Variants in TRAPPC3L observed in about 807,000 individuals in gnomAD.
TRAPPC3L encodes trafficking protein particle complex subunit 3L.
TRAPPC3L carries 23 observed loss-of-function variants against 23.7 expected under a neutral mutation model. That is an observed-to-expected ratio of 0.97 (90% CI 0.70 to 1.37). The LOEUF (loss-of-function observed/expected upper bound fraction) is 1.37. Ranked by LOEUF, TRAPPC3L falls within the 40% of genes most tolerant of loss-of-function variation. The pLI is 0.00. For missense variants in TRAPPC3L, 212 were observed against 216.8 expected (o/e 0.98, Z 0.14); for synonymous variants, 81 against 77.9 (o/e 1.04, Z -0.21).
chr6:116,524,457 CT>C, intron 3 of TRAPPC3L: 1 of 151,136 alleles, frequency 6.6e-6, no homozygotes, highest in South Asian at 2.1e-4. Flanking sequence ...CATATTCAGC[CT>C]GTTGGCCTGT....
At chr6:116,535,015 G>A (rs529201391) in intron 3 of TRAPPC3L, among the ~76,000 whole-genome samples, 22 of 152,272 alleles carry the variant, frequency 1.4e-4, no homozygotes, top group African/African-American at 5.1e-4. Context: ...GGACCTGAGA[G>A]CAAAAAGCTT....
Position 116,495,522 on chromosome 6 carries a change from G to A in TRAPPC3L, c.*1432C>T, listed in dbSNP as rs935219005. ...GATATACTGATTTCCTTTATTTTGG[G>A]TATATATCCAGCAGTGGGATTGCTG... On this transcript the variant is annotated 3_prime_UTR_variant, in exon 5 of 5. Coordinates refer to ENST00000368602, the MANE Select transcript of TRAPPC3L (RefSeq NM_001139444.3). 4 of 151,628 alleles carry A rather than the reference G, an allele frequency of 2.6e-5. No individual in the cohort carries two copies. Among genetic ancestry groups the A allele is most frequent in the Admixed American group, 1.3e-4 (2 of 15,250 alleles). The allele number at this position is 151,628 out of a possible 1,614,324, so 9.4% of individuals were successfully genotyped here. A position where few individuals can be genotyped will look rare whatever the true frequency, so the allele number is the denominator to read the frequency against.
rs1773739529 is a variant in TRAPPC3L at position 116,545,666 on chromosome 6, C to T, written c.-152G>A. On this transcript the variant is annotated 5_prime_UTR_variant, in exon 1 of 5. Transcript: ENST00000368602. ...GCTTCTGCACTCTGCTGCTTTTGCT[C>T]TTTGCTGAGCTGAAGAGGGAAAAAA... The T allele has an allele frequency of 1.9e-6, 1 of 533,414 alleles. No homozygotes were observed. The highest frequency in any genetic ancestry group is 3.2e-6 in the Non-Finnish European group (1 of 316,470). The allele number at this position is 533,414 out of a possible 1,614,324, so 33.0% of individuals were successfully genotyped here.
At chr6:116,521,228 A>G (rs1397482706) in intron 3 of TRAPPC3L, 2 of 152,078 alleles carry the variant, frequency 1.3e-5, no homozygotes, top group Non-Finnish European at 2.9e-5. Context: ...GTGTGTGTAT[A>G]TATATATGAA....
At chr6:116,534,720 TA>T (rs1230622342) in intron 3 of TRAPPC3L, among the ~76,000 whole-genome samples, 1 of 151,366 alleles carries the variant, frequency 6.6e-6, no homozygotes, top group Non-Finnish European at 1.5e-5. Context: ...CTTGATTTTT[TA>T]TTACTCATCC....
Position 116,497,050 on chromosome 6 carries a change from T to G in TRAPPC3L, c.450A>C (p.Thr150=). The change falls in exon 5 of 5, where the codon ACA becomes ACC. Residue 150 remains threonine (T), a synonymous_variant. Coordinates refer to ENST00000368602, the MANE Select transcript of TRAPPC3L (RefSeq NM_001139444.3). ...CACCTTTTAGTCTGTCTTGCAAGAATGTAACATCAGCCGCCAAATGAACCT... is the reference window on the plus strand; with the variant it reads ...CACCTTTTAGTCTGTCTTGCAAGAAGGTAACATCAGCCGCCAAATGAACCT... ...LEMVHLAADV[T]FLQDRLKGDS... The G allele has an allele frequency of 2.6e-6, 4 of 1,542,770 alleles. No homozygotes were observed. The highest frequency in any genetic ancestry group is 3.5e-6 in the Non-Finnish European group (4 of 1,144,180).
chr6:116,505,098 T>A (rs1771980734), intron 3 of TRAPPC3L, among the ~76,000 whole-genome samples: 1 of 152,206 alleles, frequency 6.6e-6, no homozygotes, highest in Admixed American at 6.5e-5. Context: ...GCAGATGACA[T>A]GATTGTATAT....
intron 2 of TRAPPC3L, among the ~76,000 whole-genome samples, chr6:116,542,480 T>C (rs1773525690): frequency 6.6e-6 from 1 of 152,144 alleles, no homozygotes; most frequent in African/African-American, 2.4e-5. Context: ...TAGGCTAAAT[T>C]TCCCCTTCAA....
chr6:116,506,306 A>G lies in TRAPPC3L; in HGVS notation c.241-5640T>C, dbSNP rs1772006352. On this transcript the variant is annotated intron_variant, in intron 3 of 4. Coordinates refer to ENST00000368602, the MANE Select transcript of TRAPPC3L (RefSeq NM_001139444.3). The stretch of plus-strand genomic sequence containing the variant: ...CATCAGAGAAATGCAAATCAAAACC[A>G]CAATGAAATACCATCTCTTGCCAGT... Among the ~76,000 whole-genome samples, 4 of 152,352 alleles carry G rather than the reference A, an allele frequency of 2.6e-5. No homozygotes were observed. The South Asian group carries it at 6.2e-4, about 24-fold the overall frequency.
At chr6:116,497,608 A>G (rs1434759031) in intron 4 of TRAPPC3L, among the ~76,000 whole-genome samples, 12 of 152,180 alleles carry the variant, frequency 7.9e-5, no homozygotes, top group Admixed American at 7.9e-4. Context: ...TAAAGATTGA[A>G]TTTACAGACA....
At chr6:116,519,528 C>G (rs1218159600) in intron 3 of TRAPPC3L, 1 of 152,150 alleles carries the variant, frequency 6.6e-6, no homozygotes, top group Non-Finnish European at 1.5e-5. Context: ...GAGAGGGCAC[C>G]CAATGGTCAT....
At chr6:116,524,064 G>A (rs966795076) in intron 3 of TRAPPC3L, 1 of 152,120 alleles carries the variant, frequency 6.6e-6, no homozygotes, top group African/African-American at 2.4e-5. Flanking sequence ...GTGTGGTAAT[G>A]GTGTGCCGAT....
intron 3 of TRAPPC3L, chr6:116,511,544 ATTCCTAAGGAATGACATTGT>A: frequency 1.5e-6 from 1 of 688,818 alleles, no homozygotes; most frequent in Non-Finnish European, 2.4e-6. Context: ...AGAAATATTC[ATTCCTAAGGAATGACATTGT>A]TTCCTTATCT....
At chr6:116,498,927 A>T (rs1290698432) in intron 4 of TRAPPC3L, among the ~76,000 whole-genome samples, 2 of 152,070 alleles carry the variant, frequency 1.3e-5, no homozygotes, top group Non-Finnish European at 2.9e-5. Flanking sequence ...TTCTTGCTCT[A>T]CAGACTCTGC....
chr6:116,501,321 G>A (rs1385580517), intron 3 of TRAPPC3L, among the ~76,000 whole-genome samples: 1 of 152,194 alleles, frequency 6.6e-6, no homozygotes, highest in Non-Finnish European at 1.5e-5. Flanking sequence ...TGAGGTTTGA[G>A]TAGGCGGTTC....
At position 116,511,790 on chromosome 6, in the gene TRAPPC3L, C is replaced by A. The variant is rs756035813; in HGVS notation, c.241-11124G>T. 8 of 1,613,906 alleles carry A rather than the reference C, an allele frequency of 5.0e-6. No individual in the cohort carries two copies. Among genetic ancestry groups the A allele is most frequent in the South Asian group, 1.1e-5 (1 of 91,080 alleles). ...GGCTCTGCTGACCGTGGGAAGTGAG[C>A]GTCTCTTTTCTGTTGTGGCTTTTAA... On this transcript the variant is annotated intron_variant, in intron 3 of 4. Transcript: ENST00000368602.
chr6:116,531,258 A>G (rs1237147309), intron 3 of TRAPPC3L, among the ~76,000 whole-genome samples: 1 of 152,148 alleles, frequency 6.6e-6, no homozygotes, highest in Non-Finnish European at 1.5e-5. Context: ...TATGAAACAC[A>G]TAGAGAAAGT....
chr6:116,536,122 AGTT>A (rs1444938705), intron 3 of TRAPPC3L, among the ~76,000 whole-genome samples: 2 of 152,246 alleles, frequency 1.3e-5, no homozygotes, highest in African/African-American at 4.8e-5. Flanking sequence ...TAATATTTGT[AGTT>A]GTACTTTGAA....
chr6:116,542,536 C>CCT (rs991672507), intron 2 of TRAPPC3L, among the ~76,000 whole-genome samples: 2 of 152,088 alleles, frequency 1.3e-5, no homozygotes, highest in Non-Finnish European at 2.9e-5. Context: ...TCCAGTCTTT[C>CCT]CTCTGTTAGA....
Sources: gnomAD v4.1 joint callset for allele counts (sites outside exome capture counted in the v4.1 genomes callset) on GRCh38, gnomAD v4.1.1 for gene constraint, MANE v1.5 for transcripts, NCBI Gene and HGNC (gene_info 2026-07-23, HGNC 2026-07-21) for gene names.